SLC9A5: variants seen among roughly 807,000 people sequenced by gnomAD.
SLC9A5 encodes the protein sodium/hydrogen exchanger 5.
SLC9A5 carries 52 observed loss-of-function variants against 91.7 expected under a neutral mutation model. The observed-to-expected ratio is 0.57, with a 90% CI of 0.45 to 0.71. The LOEUF (loss-of-function observed/expected upper bound fraction) is 0.71, where lower values mean the gene tolerates loss of function less well. SLC9A5 is among the 30% of genes least tolerant of loss of function. The pLI is 0.00. For missense variants in SLC9A5, 871 were observed against 1,158.9 expected, an observed-to-expected ratio of 0.75 and a Z score of 3.61; for synonymous variants, 419 against 474.5, an observed-to-expected ratio of 0.88 and a Z score of 1.52.
chr16:67,257,153 C>T lies in SLC9A5; in HGVS notation c.1335+40C>T, dbSNP rs774906566. ...AAGGCTGGGTAGGGAGAGGGTTGGGCAGGCCCTGGGGGAGTCTTGGAGCCT... is the reference window on the plus strand; with the variant it reads ...AAGGCTGGGTAGGGAGAGGGTTGGGTAGGCCCTGGGGGAGTCTTGGAGCCT... On this transcript the variant is annotated intron_variant, in intron 7 of 15. Transcript: ENST00000299798. This position sits in a 1 kb window ranked among gnomAD's most constrained non-coding sequence, Gnocchi z 5.1. 4 of 1,573,942 alleles carry T rather than the reference C, an allele frequency of 2.5e-6. No individual in the cohort carries two copies. Among genetic ancestry groups the T allele is most frequent in the Non-Finnish European group, 3.5e-6 (4 of 1,156,716 alleles).
At chr16:67,250,435 G>A (rs1567404311) in intron 1 of SLC9A5, among the ~76,000 whole-genome samples, 1 of 152,188 alleles carries the variant, frequency 6.6e-6, no homozygotes, top group Non-Finnish European at 1.5e-5. Flanking sequence ...AGCAATGAGA[G>A]TAAGAGTAGA....
chr16:67,258,375 C>T lies in SLC9A5; in HGVS notation c.1554C>T (p.Tyr518=). The change falls in exon 10 of 16, where the codon TAC becomes TAT. Residue 518 remains tyrosine, a synonymous_variant. Transcript: ENST00000299798. The surrounding 1 kb of genome is among the most constrained non-coding windows in gnomAD (Gnocchi z 4.5). ...AGCTGCTGATGCGACGATCAGCCTA[C>T]CGCATCCGGGACCAGATCTGGGATG... The part of the protein sequence containing the change: ...LSQLLMRRSA[Y]RIRDQIWDVY... 6.2e-7 allele frequency: 1 copy of T among 1,614,144 alleles called. No homozygotes were observed. Among genetic ancestry groups the T allele is most frequent in the Non-Finnish European group, 8.5e-7 (1 of 1,179,992 alleles).
In SLC9A5 at chr16:67,257,491, C is replaced by A. The variant is rs1417082958; in HGVS notation, c.1426-40C>A. The A allele has an allele frequency of 6.2e-7, 1 of 1,612,982 alleles. No homozygotes were observed. The highest frequency in any genetic ancestry group is 8.5e-7 in the Non-Finnish European group (1 of 1,179,080). ...CCTCTCGACCTTCTCCTATTTTGGG[C>A]AGAGTCCTGATCCAGTCCCCCTACC... is the stretch of plus-strand genomic sequence containing the variant. On this transcript the variant is annotated intron_variant, in intron 8 of 15. Coordinates refer to ENST00000299798, the MANE Select transcript of SLC9A5 (RefSeq NM_004594.3). This position sits in a 1 kb window ranked among gnomAD's most constrained non-coding sequence, Gnocchi z 5.1.
intron 15 of SLC9A5, among the ~76,000 whole-genome samples, chr16:67,268,389 G>A (rs1265684120): frequency 1.4e-5 from 2 of 144,010 alleles, no homozygotes; most frequent in African/African-American, 5.2e-5. Flanking sequence ...TGCAGTGGCC[G>A]GATCATGACT....
rs568648999 is a variant in SLC9A5 at position 67,251,402 on chromosome 16, T to C, written c.188-1140T>C. Among the ~76,000 whole-genome samples, 4 of 137,874 alleles carry C rather than the reference T, an allele frequency of 2.9e-5. No homozygotes were observed. The East Asian group carries it at 6.0e-4, about 21-fold the overall frequency. The allele number at this position is 137,874 out of a possible 152,430, so 90.5% of individuals were successfully genotyped here. A position where few individuals can be genotyped will look rare whatever the true frequency, so the allele number is the denominator to read the frequency against. ...GTGCTAAGTGCTTTTGAGTAGATTG[T>C]CTTTTTTTTTTTTTTTTTTTTTTTT... On this transcript the variant is annotated intron_variant, in intron 1 of 15. Transcript: ENST00000299798.
In SLC9A5 at chr16:67,256,801, G is replaced by A; in HGVS notation, c.1133-110G>A. On this transcript the variant is annotated intron_variant, in intron 6 of 15. Coordinates refer to ENST00000299798, the MANE Select transcript of SLC9A5 (RefSeq NM_004594.3). This position sits in a 1 kb window ranked among gnomAD's most constrained non-coding sequence, Gnocchi z 4.1. ...GTCAATTCCTAAGCCTCCTCTTGTT[G>A]CTCACCTGTCCCAGCCCCTGTTAGA... The A allele has an allele frequency of 7.4e-7, 1 of 1,353,538 alleles. No homozygotes were observed. Among genetic ancestry groups the A allele is most frequent in the Non-Finnish European group, 1.0e-6 (1 of 955,570 alleles). 83.8% of individuals were successfully genotyped at this position (1,353,538 alleles called of 1,614,324 possible). A position where few individuals can be genotyped will look rare whatever the true frequency, so the allele number is the denominator to read the frequency against.
Position 67,270,641 on chromosome 16 carries a change from G to A in SLC9A5, c.2219-97G>A, listed in dbSNP as rs564681221. 7 of 874,944 alleles carry A rather than the reference G, an allele frequency of 8.0e-6. No homozygotes were observed. Among genetic ancestry groups the A allele is most frequent in the African/African-American group, 3.4e-5 (2 of 59,008 alleles). 54.2% of individuals were successfully genotyped at this position (874,944 alleles called of 1,614,324 possible). ...TCATCCGATAATCGCAAAAATGGAC[G>A]GCATATGGAAACTGTGGCATGAATT... On this transcript the variant is annotated intron_variant, in intron 15 of 15. Coordinates refer to ENST00000299798, the MANE Select transcript of SLC9A5 (RefSeq NM_004594.3). The surrounding 1 kb of genome is among the most constrained non-coding windows in gnomAD (Gnocchi z 4.3).
intron 14 of SLC9A5, 103 bp from the exon 15 acceptor site, chr16:67,265,985 C>G (rs767887634): frequency 2.1e-4 from 305 of 1,462,608 alleles, no homozygotes; most frequent in Non-Finnish European, 1.6e-4. Context: ...TCTCTGCCAA[C>G]GTGTGTTCTG....
At chr16:67,259,361 C>CAAAAAAAAA (rs764650700) in intron 10 of SLC9A5, among the ~76,000 whole-genome samples, 5 of 43,386 alleles carry the variant, frequency 1.2e-4, no homozygotes, top group Non-Finnish European at 2.1e-4. Flanking sequence ...GACTCTGTCT[C>CAAAAAAAAA]AAAAAAAAAA....
intron 1 of SLC9A5, among the ~76,000 whole-genome samples, chr16:67,251,711 G>A (rs963514835): frequency 5.3e-5 from 8 of 152,118 alleles, no homozygotes; most frequent in South Asian, 2.1e-4. Flanking sequence ...ACCGCGCCCC[G>A]CCTGTAGATT....
rs772866456 is a variant in SLC9A5, at chr16:67,270,972, A to G, written c.2453A>G (p.His818Arg). 2.0e-5 allele frequency: 33 copies of G among 1,613,754 alleles called. No homozygotes were observed. Among genetic ancestry groups the G allele is most frequent in the Non-Finnish European group, 2.7e-5 (32 of 1,179,914 alleles). Reference protein sequence around the residue: ...QAPILTCLPPHPRGTEEPQVP... With the variant: ...QAPILTCLPPRPRGTEEPQVP... ...CCAATTCTGACCTGCCTGCCTCCCC[A>G]TCCACGGGGCACTGAAGAGCCCCAG... The change falls in exon 16 of 16, where the codon CAT becomes CGT. Residue 818 changes from histidine to arginine, a missense_variant. His to Arg is a conservative substitution (Grantham distance 29). This residue lies in a region of SLC9A5 where 295 missense variants were observed against 326.0 expected (regional missense o/e 0.90). Coordinates refer to ENST00000299798, the MANE Select transcript of SLC9A5 (RefSeq NM_004594.3). This position sits in a 1 kb window ranked among gnomAD's most constrained non-coding sequence, Gnocchi z 4.3.
intron 15 of SLC9A5, among the ~76,000 whole-genome samples, chr16:67,269,375 TG>T (rs1423511607): frequency 1.3e-5 from 2 of 152,118 alleles, no homozygotes; most frequent in Non-Finnish European, 2.9e-5. Context: ...GAGACTGCAG[TG>T]AGCTGAGATC....
chr16:67,258,220 C>T lies in SLC9A5; in HGVS notation c.1497-98C>T. The T allele has an allele frequency of 7.7e-7, 1 of 1,295,552 alleles. No homozygotes were observed. The highest frequency in any genetic ancestry group is 1.1e-6 in the Non-Finnish European group (1 of 917,548). 80.3% of individuals were successfully genotyped at this position (1,295,552 alleles called of 1,614,324 possible). A position where few individuals can be genotyped will look rare whatever the true frequency, so the allele number is the denominator to read the frequency against. ...TGGCTGAGGCCCATATCTAAAAAGC[C>T]AGGCCAGTGCTGACGGTGTCCTTGC... On this transcript the variant is annotated intron_variant, in intron 9 of 15. Transcript: ENST00000299798. This position sits in a 1 kb window ranked among gnomAD's most constrained non-coding sequence, Gnocchi z 4.5.
rs1391202005 is a variant in SLC9A5 at position 67,258,368 on chromosome 16, C to T, written c.1547C>T (p.Ser516Leu). 1.2e-6 allele frequency: 2 copies of T among 1,614,066 alleles called. No individual in the cohort carries two copies. Among genetic ancestry groups the T allele is most frequent in the East Asian group, 2.2e-5 (1 of 44,900 alleles). Residue 516 changes from serine (S) to leucine (L), a missense_variant, in exon 10 of 16, where the codon TCA becomes TTA. Transcript: ENST00000299798. The surrounding 1 kb of genome is among the most constrained non-coding windows in gnomAD (Gnocchi z 4.5). Reference sequence around the variant, plus strand: ...CTGAGTCAGCTGCTGATGCGACGATCAGCCTACCGCATCCGGGACCAGATC... The same window carrying T: ...CTGAGTCAGCTGCTGATGCGACGATTAGCCTACCGCATCCGGGACCAGATC... The part of the protein sequence containing the change: ...KYLSQLLMRR[S>L]AYRIRDQIWD...
intron 15 of SLC9A5, among the ~76,000 whole-genome samples, chr16:67,269,496 C>T (rs1439083364): frequency 6.6e-6 from 1 of 152,146 alleles, no homozygotes; most frequent in Non-Finnish European, 1.5e-5. Flanking sequence ...GTACAGTTCA[C>T]CCAGTAAATG....
rs1260069631 is a variant in SLC9A5 at position 67,256,328 on chromosome 16, CT to C, written c.912-139del. ...CTTAGCCCAGCACTACCATTCAAGT[CT>C]TCAGGCCTCCCTGGGCTTCAGCTCT... On this transcript the variant is annotated intron_variant, in intron 5 of 15. Transcript: ENST00000299798. This position sits in a 1 kb window ranked among gnomAD's most constrained non-coding sequence, Gnocchi z 4.1. The C allele has an allele frequency of 2.3e-5, 15 of 652,120 alleles. No homozygotes were observed. The highest frequency in any genetic ancestry group is 4.1e-5 in the Non-Finnish European group (15 of 368,038). The allele number at this position is 652,120 out of a possible 1,614,324, so 40.4% of individuals were successfully genotyped here.
chr16:67,256,623 A>G lies in SLC9A5; in HGVS notation c.1066A>G (p.Lys356Glu). Reference sequence around the variant, plus strand: ...TGGCATCTCAGCCGTGGACTCTTCTAAGTGGGCCTGGGATTCTGGGCTGGT... The same window carrying G: ...TGGCATCTCAGCCGTGGACTCTTCTGAGTGGGCCTGGGATTCTGGGCTGGT... ...LLGISAVDSS[K>E]WAWDSGLVLG... The change falls in exon 6 of 16, where the codon AAG becomes GAG. Residue 356 changes from lysine to glutamate, a missense_variant. By Grantham distance (56) the Lys-to-Glu change is moderately conservative. Transcript: ENST00000299798. This position sits in a 1 kb window ranked among gnomAD's most constrained non-coding sequence, Gnocchi z 4.1. 1.2e-6 allele frequency: 2 copies of G among 1,614,064 alleles called. No homozygotes were observed. Among genetic ancestry groups the G allele is most frequent in the Non-Finnish European group, 1.7e-6 (2 of 1,180,006 alleles).
In SLC9A5 at chr16:67,256,176, C is replaced by T. The variant is rs936152158; in HGVS notation, c.911+246C>T. On this transcript the variant is annotated intron_variant, in intron 5 of 15. Coordinates refer to ENST00000299798, the MANE Select transcript of SLC9A5 (RefSeq NM_004594.3). The surrounding 1 kb of genome is among the most constrained non-coding windows in gnomAD (Gnocchi z 4.1). The stretch of plus-strand genomic sequence containing the variant: ...GCTGGGCTGGAAGTAGACTTTAAGG[C>T]CTGGGGCCACCAGCTCTGGAGGCCG... Among the ~76,000 whole-genome samples the T allele has an allele frequency of 7.9e-5, 12 of 152,260 alleles. No individual in the cohort carries two copies. Among genetic ancestry groups the T allele is most frequent in the African/African-American group, 2.9e-4 (12 of 41,544 alleles).
Position 67,255,263 on chromosome 16 carries a change from T to A in SLC9A5, c.654+79T>A. The A allele has an allele frequency of 6.4e-7, 1 of 1,552,288 alleles. No individual in the cohort carries two copies. Among genetic ancestry groups the A allele is most frequent in the Non-Finnish European group, 8.8e-7 (1 of 1,136,440 alleles). On this transcript the variant is annotated intron_variant, in intron 3 of 15. Transcript: ENST00000299798. The surrounding 1 kb of genome is among the most constrained non-coding windows in gnomAD (Gnocchi z 4.9). ...CAACTAGGGGTCTGCGCAGACTCAG[T>A]CCCTTCCCTTGGGTCCCCTGGGGCA...
Sources: allele counts gnomAD v4.1 joint callset (sites outside exome capture counted in the v4.1 genomes callset), GRCh38; gene constraint gnomAD v4.1.1; regional missense constraint gnomAD v4.1.1; non-coding constraint Gnocchi (gnomAD v3.1); transcripts MANE v1.5; gene names NCBI Gene and HGNC (gene_info 2026-07-23, HGNC 2026-07-21).